Variants in MDGA2 observed in about 807,000 individuals in gnomAD.
The protein encoded by MDGA2 is MAM domain containing glycosylphosphatidylinositol anchor 2.
Under a neutral mutation model 117.8 loss-of-function variants are expected in MDGA2, and 40 were observed. That is an observed-to-expected ratio of 0.34 (90% CI 0.26 to 0.44). The LOEUF is 0.44. MDGA2 is among the 20% of genes least tolerant of loss of function. MDGA2 has a pLI of 1.00. For synonymous variants in MDGA2, 452 were observed against 439.0 expected (o/e 1.03, Z -0.37); for missense variants, 1,123 against 1,250.6 (o/e 0.90, Z 1.54).
rs1218874746 is a variant in MDGA2, at chr14:47,622,991, A to G, written c.280+51526T>C. Among the ~76,000 whole-genome samples the G allele has an allele frequency of 2.6e-5, 4 of 152,186 alleles. No individual in the cohort carries two copies. In the East Asian group the frequency reaches 7.7e-4, roughly 29 times the overall value. The stretch of plus-strand genomic sequence containing the variant: ...TGTGGTAGGGTTTGAATGCATCCCT[A>G]AAGTTCACGTATTGGAAAAAAATCC... On this transcript the variant is annotated intron_variant, in intron 1 of 16. Coordinates refer to ENST00000399232, the MANE Select transcript of MDGA2 (RefSeq NM_001113498.3).
intron 1 of MDGA2, among the ~76,000 whole-genome samples, chr14:47,653,245 G>A (rs1897678376): frequency 6.6e-6 from 1 of 152,100 alleles, no homozygotes; most frequent in Non-Finnish European, 1.5e-5. Context: ...GATTTTTCCA[G>A]GAGAATAGAT....
At chr14:47,507,982 G>A (rs1188615559) in intron 1 of MDGA2, among the ~76,000 whole-genome samples, 1 of 152,138 alleles carries the variant, frequency 6.6e-6, no homozygotes, top group African/African-American at 2.4e-5. Context: ...GACAAGTCTT[G>A]CCTCTATCTA....
chr14:47,452,557 T>C (rs1044662369), intron 1 of MDGA2, among the ~76,000 whole-genome samples: 4 of 152,064 alleles, frequency 2.6e-5, no homozygotes, highest in Admixed American at 1.3e-4. Flanking sequence ...ATCAGACATA[T>C]AGTTATAACA....
chr14:47,316,033 T>C (rs74045394), intron 1 of MDGA2, among the ~76,000 whole-genome samples: 2,107 of 152,180 alleles, frequency 0.014, 50 homozygotes, highest in African/African-American at 0.048. Context: ...TATTGTGATG[T>C]GTGTGAAGTT....
intron 15 of MDGA2, among the ~76,000 whole-genome samples, chr14:46,850,962 T>TA (rs1881033442): frequency 6.6e-6 from 1 of 151,950 alleles, no homozygotes; most frequent in Non-Finnish European, 1.5e-5. Flanking sequence ...GAATGCCAGA[T>TA]ATGCTACATG....
chr14:47,324,660 T>C (rs1475757313), intron 1 of MDGA2, among the ~76,000 whole-genome samples: 2 of 152,182 alleles, frequency 1.3e-5, no homozygotes, highest in Non-Finnish European at 2.9e-5. Context: ...TTTTTTTGAC[T>C]ATGAACCTTT....
At chr14:47,108,794 A>T (rs1303560916) in intron 5 of MDGA2, among the ~76,000 whole-genome samples, 1 of 152,214 alleles carries the variant, frequency 6.6e-6, no homozygotes, top group Non-Finnish European at 1.5e-5. Flanking sequence ...ACTGAACAAT[A>T]TAAATAGAAA....
At chr14:47,508,769 T>G (rs979707252) in intron 1 of MDGA2, among the ~76,000 whole-genome samples, 1 of 152,158 alleles carries the variant, frequency 6.6e-6, no homozygotes, top group African/African-American at 2.4e-5. Context: ...AAGCTCCGCC[T>G]CCCGGGTTCA....
intron 1 of MDGA2, among the ~76,000 whole-genome samples, chr14:47,633,552 A>G (rs557941118): frequency 2.6e-5 from 4 of 152,350 alleles, no homozygotes; most frequent in African/African-American, 9.6e-5. Flanking sequence ...AAATAAATTC[A>G]TAGGTAAACA....
chr14:47,188,069 C>T (rs975874051), intron 3 of MDGA2, among the ~76,000 whole-genome samples: 8 of 151,972 alleles, frequency 5.3e-5, no homozygotes, highest in African/African-American at 1.5e-4. Context: ...AAAATGACTC[C>T]GGAAACTGTC....
intron 1 of MDGA2, among the ~76,000 whole-genome samples, chr14:47,387,058 C>T (rs1594830986): frequency 6.6e-6 from 1 of 152,176 alleles, no homozygotes; most frequent in East Asian, 1.9e-4. Flanking sequence ...ACTGTACAGC[C>T]CCATGACTGT....
At chr14:47,305,938 G>C (rs1227299314) in intron 1 of MDGA2, 1 of 152,164 alleles carries the variant, frequency 6.6e-6, no homozygotes, top group Non-Finnish European at 1.5e-5. Flanking sequence ...GAGCAAAAGA[G>C]GAAGGAGATT....
rs147917694 is a variant in MDGA2 at position 47,159,427 on chromosome 14, A to G, written c.596-15153T>C. On this transcript the variant is annotated intron_variant, in intron 3 of 16. Coordinates refer to ENST00000399232, the MANE Select transcript of MDGA2 (RefSeq NM_001113498.3). ...AAATAGTTGTATAATATCCCTGGTC[A>G]TGAATGTTTTCTAATTTAGTCAATC... is the stretch of plus-strand genomic sequence containing the variant. 2.7e-3 allele frequency among the ~76,000 whole-genome samples: 409 copies of G among 152,350 alleles called. 7 individuals carry two copies. Among genetic ancestry groups the G allele is most frequent in the Non-Finnish European group, 6.5e-4 (44 of 68,034 alleles).
chr14:47,043,131 TTAAAA>T (rs1889136711), intron 7 of MDGA2, among the ~76,000 whole-genome samples: 1 of 152,038 alleles, frequency 6.6e-6, no homozygotes, highest in Non-Finnish European at 1.5e-5. Flanking sequence ...GTGTCAATTT[TTAAAA>T]TACAGTAATG....
At chr14:47,629,478 T>C (rs769773030) in intron 1 of MDGA2, among the ~76,000 whole-genome samples, 107 of 152,228 alleles carry the variant, frequency 7.0e-4, no homozygotes, top group Non-Finnish European at 1.1e-3. Flanking sequence ...ATTTGTGCCA[T>C]ACCACAGCGG....
chr14:46,988,643 T>C (rs74471148), intron 8 of MDGA2, among the ~76,000 whole-genome samples: 12,261 of 152,098 alleles, frequency 0.081, 502 homozygotes, highest in Non-Finnish European at 0.088. Context: ...GCAGCTTTCA[T>C]ATGCATCAGT....
Position 47,301,385 on chromosome 14 carries a change from C to T in MDGA2, c.420+26G>A, listed in dbSNP as rs200835127. On this transcript the variant is annotated intron_variant, in intron 2 of 16. Transcript: ENST00000399232. ...TCTGAGAAAAGTCAGAGAATGTTTT[C>T]TCCAGTGTCACAGTTCGGGACTCAC... 2.7e-4 allele frequency: 413 copies of T among 1,549,688 alleles called. 1 individual carries two copies. The highest frequency in any genetic ancestry group is 5.0e-5 in the Non-Finnish European group (57 of 1,146,322).
intron 2 of MDGA2, among the ~76,000 whole-genome samples, chr14:47,223,165 T>C (rs2139535063): frequency 6.6e-6 from 1 of 152,258 alleles, no homozygotes; most frequent in Middle Eastern, 3.4e-3. Context: ...TCGGATCCCA[T>C]GTTTAAATTA....
intron 2 of MDGA2, among the ~76,000 whole-genome samples, chr14:47,236,618 GATAGCATCCCATAA>G (rs1157958948): frequency 6.6e-6 from 1 of 152,180 alleles, no homozygotes; most frequent in Non-Finnish European, 1.5e-5. Context: ...ATGAAGCAAT[GATAGCATCCCATAA>G]GTGATTGCTA....
Sources: gnomAD v4.1 joint callset for allele counts (sites outside exome capture counted in the v4.1 genomes callset) on GRCh38, gnomAD v4.1.1 for gene constraint, MANE v1.5 for transcripts, NCBI Gene and HGNC (gene_info 2026-07-23, HGNC 2026-07-21) for gene names.